The following RBFOX1 variants were observed in gnomAD, a reference collection of about 807,000 sequenced individuals.
RBFOX1 encodes RNA binding fox-1 homolog 1.
In RBFOX1, 8 loss-of-function variants were observed where a neutral mutation model predicts 57.7. That is an observed-to-expected ratio of 0.14 (90% CI 0.08 to 0.25). The LOEUF is 0.25. Ranked by LOEUF, RBFOX1 falls within the 10% of genes least tolerant of loss-of-function variation. The pLI is 1.00. For synonymous variants in RBFOX1, 326 were observed against 222.4 expected, an observed-to-expected ratio of 1.47 and a Z score of -4.15; for missense variants, 611 against 548.5, an observed-to-expected ratio of 1.11 and a Z score of -1.14.
chr16:6,042,381 G>A (rs1021408125), intron 1 of RBFOX1, among the ~76,000 whole-genome samples: 1 of 152,108 alleles, frequency 6.6e-6, no homozygotes, highest in African/African-American at 2.4e-5. Flanking sequence ...TTACAGGCAT[G>A]AGCCACCGTG....
intron 3 of RBFOX1, among the ~76,000 whole-genome samples, chr16:6,659,630 C>A (rs142072493): frequency 6.6e-6 from 1 of 152,098 alleles, no homozygotes. Flanking sequence ...GATTCTTACT[C>A]CAGAGTCTGT....
intron 2 of RBFOX1, among the ~76,000 whole-genome samples, chr16:5,591,229 C>A (rs1053112546): frequency 2.4e-4 from 37 of 151,784 alleles, no homozygotes; most frequent in African/African-American, 8.5e-4. Flanking sequence ...GCTACCACAT[C>A]CTTTTCCTTC....
intron 1 of RBFOX1, among the ~76,000 whole-genome samples, chr16:6,193,791 C>T (rs1003365018): frequency 6.6e-6 from 1 of 152,070 alleles, no homozygotes; most frequent in African/African-American, 2.4e-5. Flanking sequence ...GGGTTTGTCA[C>T]TGCACATCCC....
In RBFOX1 at chr16:6,976,341, C is replaced by T. The variant is rs529746944; in HGVS notation, c.-15-75716C>T. Among the ~76,000 whole-genome samples, 483 of 152,220 alleles carry T rather than the reference C, an allele frequency of 3.2e-3. 5 individuals carry two copies. Among genetic ancestry groups the T allele is most frequent in the Middle Eastern group, 0.01 (3 of 294 alleles). On this transcript the variant is annotated intron_variant, in intron 3 of 15. Transcript: ENST00000550418. Reference sequence around the variant, plus strand: ...CCACACTCTAAATTTCTCCTCTATCCTTGTTCTAGCATTCAGTCCTATCCA... The same window carrying T: ...CCACACTCTAAATTTCTCCTCTATCTTTGTTCTAGCATTCAGTCCTATCCA...
At chr16:7,262,605 C>T (rs1424090876) in intron 4 of RBFOX1, among the ~76,000 whole-genome samples, 3 of 152,256 alleles carry the variant, frequency 2.0e-5, no homozygotes, top group Non-Finnish European at 2.9e-5. Flanking sequence ...CCTGTGGCTG[C>T]TGCAGTCTCT....
chr16:7,147,667 G>T (rs537330692), intron 4 of RBFOX1, among the ~76,000 whole-genome samples: 116 of 152,224 alleles, frequency 7.6e-4, no homozygotes, highest in African/African-American at 2.7e-3. Context: ...TTTTATGGCT[G>T]TATAGTATTC....
At chr16:6,117,373 G>A (rs749552159) in intron 1 of RBFOX1, among the ~76,000 whole-genome samples, 2 of 152,164 alleles carry the variant, frequency 1.3e-5, no homozygotes, top group East Asian at 1.9e-4. Flanking sequence ...CAAATGATCA[G>A]AACTAATAAC....
At chr16:6,962,646 G>C (rs9788950) in intron 3 of RBFOX1, among the ~76,000 whole-genome samples, 96,527 of 151,940 alleles carry the variant, frequency 0.64, 30,735 homozygotes, top group African/African-American at 0.65. Flanking sequence ...CGGTAGATTG[G>C]TTGAACTCAG....
intron 4 of RBFOX1, among the ~76,000 whole-genome samples, chr16:7,462,668 C>A (rs1487194902): frequency 6.6e-6 from 1 of 152,224 alleles, no homozygotes; most frequent in Non-Finnish European, 1.5e-5. Context: ...GAATCCACTT[C>A]CAAGCTCACT....
At chr16:7,631,742 G>A (rs533856715) in intron 11 of RBFOX1, among the ~76,000 whole-genome samples, 9 of 152,218 alleles carry the variant, frequency 5.9e-5, no homozygotes, top group South Asian at 2.1e-4. Context: ...CCTCACCATC[G>A]TGCCAAAACC....
chr16:6,617,102 A>G (rs1166902944), intron 2 of RBFOX1, among the ~76,000 whole-genome samples: 3 of 152,080 alleles, frequency 2.0e-5, no homozygotes, highest in African/African-American at 4.8e-5. Context: ...TTGGCCCACC[A>G]CGAAGAGTTT....
chr16:7,484,934 C>T (rs1415248573), intron 4 of RBFOX1, among the ~76,000 whole-genome samples: 2 of 152,194 alleles, frequency 1.3e-5, no homozygotes, highest in Non-Finnish European at 2.9e-5. Context: ...TGTCCCAACC[C>T]ATATGCCCCA....
At chr16:6,515,679 T>C (rs1276451669) in intron 2 of RBFOX1, among the ~76,000 whole-genome samples, 3 of 152,202 alleles carry the variant, frequency 2.0e-5, no homozygotes, top group African/African-American at 7.2e-5. Context: ...TGCCTTCTCT[T>C]ATTCCATTTC....
intron 4 of RBFOX1, among the ~76,000 whole-genome samples, chr16:5,971,100 G>A (rs1006461037): frequency 7.2e-5 from 11 of 152,086 alleles, no homozygotes; most frequent in African/African-American, 2.4e-4. Flanking sequence ...TCTTCCTCCC[G>A]TATCCAGGTG....
intron 3 of RBFOX1, among the ~76,000 whole-genome samples, chr16:6,935,062 G>A (rs56171169): frequency 1.3e-5 from 2 of 151,764 alleles, no homozygotes; most frequent in African/African-American, 4.8e-5. Context: ...CTGCACTCCA[G>A]CCTGCGTGAC....
intron 14 of RBFOX1, among the ~76,000 whole-genome samples, chr16:7,702,755 A>G (rs8050094): frequency 6.6e-6 from 1 of 152,070 alleles, no homozygotes; most frequent in Non-Finnish European, 1.5e-5. Context: ...TATGTTCCAG[A>G]TGCAGTTCCT....
chr16:5,727,854 T>A (rs2052212042), intron 3 of RBFOX1, among the ~76,000 whole-genome samples: 1 of 152,076 alleles, frequency 6.6e-6, no homozygotes. Context: ...TGCCCACTAA[T>A]ATTTCAGGTT....
At chr16:6,395,350 G>A (rs903592374) in intron 2 of RBFOX1, among the ~76,000 whole-genome samples, 12 of 152,290 alleles carry the variant, frequency 7.9e-5, no homozygotes, top group African/African-American at 2.6e-4. Flanking sequence ...TCAAAGCCAT[G>A]TTATACTTCT....
intron 4 of RBFOX1, among the ~76,000 whole-genome samples, chr16:7,295,001 G>A (rs1802754919): frequency 1.3e-5 from 2 of 152,104 alleles, no homozygotes; most frequent in Admixed American, 1.3e-4. Flanking sequence ...GCAGGATTTT[G>A]TGAAGATCAG....
Sources: gnomAD v4.1 joint callset for allele counts (sites outside exome capture counted in the v4.1 genomes callset) on GRCh38, gnomAD v4.1.1 for gene constraint, MANE v1.5 for transcripts, NCBI Gene and HGNC (gene_info 2026-07-23, HGNC 2026-07-21) for gene names.